The following TRPM3 variants were observed in gnomAD, a reference collection of about 807,000 sequenced individuals.
TRPM3 encodes the protein transient receptor potential cation channel subfamily M member 3, also known as long transient receptor potential channel 3.
A neutral mutation model predicts 181.2 loss-of-function variants in TRPM3; 77 were observed. That is an observed-to-expected ratio of 0.42 (90% CI 0.35 to 0.51). TRPM3 has a LOEUF of 0.51. Among genes scored for constraint, TRPM3 ranks in the 20% least tolerant of loss-of-function variants. The pLI is 0.01. For missense variants in TRPM3, 1,759 were observed against 2,196.7 expected (o/e 0.80, Z 3.98); for synonymous variants, 745 against 796.4 (o/e 0.94, Z 1.09).
intron 9 of TRPM3, among the ~76,000 whole-genome samples, chr9:70,661,208 T>C (rs1335071010): frequency 6.6e-6 from 1 of 152,024 alleles, no homozygotes; most frequent in Non-Finnish European, 1.5e-5. Context: ...TCTCAATAGA[T>C]GCAGAAAAAT....
intron 1 of TRPM3, among the ~76,000 whole-genome samples, chr9:71,114,795 G>A (rs749653612): frequency 1.3e-5 from 2 of 152,050 alleles, no homozygotes; most frequent in South Asian, 4.1e-4. Context: ...TAAAGAAAGG[G>A]GGCATATGTA....
chr9:70,972,280 A>G lies in TRPM3; in HGVS notation c.178-107769T>C, dbSNP rs535602163. Among the ~76,000 whole-genome samples the G allele has an allele frequency of 5.9e-5, 9 of 152,328 alleles. No individual in the cohort carries two copies. The South Asian group carries it at 1.9e-3, about 32-fold the overall frequency. On this transcript the variant is annotated intron_variant, in intron 1 of 25. Coordinates refer to ENST00000677713, the MANE Select transcript of TRPM3 (RefSeq NM_001366145.2). Reference sequence around the variant, plus strand: ...CATCCTGCAACATGGATGAGCCTTGAAAACATTATGCTAAGTGAAACATTA... The same window carrying G: ...CATCCTGCAACATGGATGAGCCTTGGAAACATTATGCTAAGTGAAACATTA...
chr9:71,107,223 T>G (rs1442855670), intron 1 of TRPM3, among the ~76,000 whole-genome samples: 1 of 152,196 alleles, frequency 6.6e-6, no homozygotes, highest in Non-Finnish European at 1.5e-5. Flanking sequence ...CTCTACTTCA[T>G]ACTTCATTCC....
intron 1 of TRPM3, among the ~76,000 whole-genome samples, chr9:71,241,412 C>T (rs1459037245): frequency 8.0e-5 from 12 of 150,276 alleles, no homozygotes; most frequent in African/African-American, 1.5e-4. Context: ...AACCAAACAT[C>T]GCATGTTCTC....
chr9:71,212,136 A>C (rs1455594162), intron 1 of TRPM3, among the ~76,000 whole-genome samples: 2 of 151,754 alleles, frequency 1.3e-5, no homozygotes, highest in Non-Finnish European at 2.9e-5. Context: ...GTTTTTCTTG[A>C]GAAAGGGTAT....
chr9:70,954,933 A>G (rs1175750207), intron 1 of TRPM3, among the ~76,000 whole-genome samples: 3 of 152,186 alleles, frequency 2.0e-5, no homozygotes, highest in Non-Finnish European at 4.4e-5. Flanking sequence ...AGCCAGGTGA[A>G]CAGTGACAGA....
chr9:71,428,278 T>C (rs971148430), intron 1 of TRPM3, among the ~76,000 whole-genome samples: 3 of 149,212 alleles, frequency 2.0e-5, no homozygotes, highest in African/African-American at 7.5e-5. Flanking sequence ...TTTTTTTTAG[T>C]TGAGATGGGG....
chr9:71,340,977 C>T (rs375226736), intron 1 of TRPM3, among the ~76,000 whole-genome samples: 126 of 152,142 alleles, frequency 8.3e-4, no homozygotes, highest in Middle Eastern at 6.8e-3. Flanking sequence ...TTTGTCAAAA[C>T]GGCACAGAAG....
intron 22 of TRPM3, among the ~76,000 whole-genome samples, chr9:70,565,184 A>G (rs2050227628): frequency 6.6e-6 from 1 of 152,240 alleles, no homozygotes; most frequent in African/African-American, 2.4e-5. Context: ...GGGTGACAGC[A>G]CACCCTTGTA....
chr9:70,624,840 A>G (rs567139249), intron 14 of TRPM3, among the ~76,000 whole-genome samples: 6 of 152,374 alleles, frequency 3.9e-5, no homozygotes, highest in Admixed American at 2.0e-4. Context: ...ATGTTAACAT[A>G]TAATGGGATT....
At chr9:71,407,964 C>T (rs541398333) in intron 1 of TRPM3, among the ~76,000 whole-genome samples, 26 of 152,268 alleles carry the variant, frequency 1.7e-4, no homozygotes, top group African/African-American at 5.1e-4. Context: ...AAATAGGGCC[C>T]GGAGTGGACC....
At chr9:71,074,184 A>C (rs2063142451) in intron 1 of TRPM3, among the ~76,000 whole-genome samples, 1 of 152,134 alleles carries the variant, frequency 6.6e-6, no homozygotes, top group African/African-American at 2.4e-5. Context: ...GTTATCTCTT[A>C]TTTAAATTAT....
chr9:71,286,964 TATATA>T (rs201106451), intron 1 of TRPM3, among the ~76,000 whole-genome samples: 1,077 of 102,988 alleles, frequency 0.01, 24 homozygotes, highest in African/African-American at 0.039. Context: ...ATATAAATTA[TATATA>T]ATATAATTAT....
intron 8 of TRPM3, among the ~76,000 whole-genome samples, chr9:70,696,260 C>T (rs2070388201): frequency 6.6e-6 from 1 of 152,220 alleles, no homozygotes; most frequent in African/African-American, 2.4e-5. Context: ...ATACTGACCA[C>T]TCCCGATTAG....
intron 1 of TRPM3, among the ~76,000 whole-genome samples, chr9:71,093,110 A>G (rs993968627): frequency 1.1e-4 from 16 of 152,176 alleles, no homozygotes; most frequent in African/African-American, 2.9e-4. Context: ...ACTTAAATGT[A>G]AAACCCAAAA....
intron 7 of TRPM3, among the ~76,000 whole-genome samples, chr9:70,770,674 A>G (rs1003376652): frequency 6.6e-6 from 1 of 152,218 alleles, no homozygotes. Context: ...CTTTAAGCCA[A>G]TATCTCCTCA....
At chr9:71,314,592 T>A (rs1026473273) in intron 1 of TRPM3, among the ~76,000 whole-genome samples, 12 of 152,124 alleles carry the variant, frequency 7.9e-5, no homozygotes, top group Admixed American at 6.6e-4. Flanking sequence ...TGAGCTGAAG[T>A]ATAACTATGG....
At chr9:70,935,659 G>A (rs981727807) in intron 1 of TRPM3, among the ~76,000 whole-genome samples, 4 of 152,116 alleles carry the variant, frequency 2.6e-5, no homozygotes, top group Non-Finnish European at 5.9e-5. Context: ...CTGAGCACCT[G>A]GAACTCTGAC....
chr9:71,273,102 C>T (rs927799958), intron 1 of TRPM3, among the ~76,000 whole-genome samples: 6 of 152,132 alleles, frequency 3.9e-5, no homozygotes, highest in Non-Finnish European at 8.8e-5. Context: ...TCTCTAACTC[C>T]TGACTTCAAG....
Sources: allele counts gnomAD v4.1 joint callset (sites outside exome capture counted in the v4.1 genomes callset), GRCh38; gene constraint gnomAD v4.1.1; transcripts MANE v1.5; gene names NCBI Gene and HGNC (gene_info 2026-07-23, HGNC 2026-07-21).